The following KCNG3 variants were observed in gnomAD, a reference collection of about 807,000 sequenced individuals.
The protein encoded by KCNG3 is potassium voltage-gated channel modifier subfamily G member 3, also known as voltage-gated potassium channel regulatory subunit KCNG3.
KCNG3 carries 15 observed loss-of-function variants against 29.0 expected under a neutral mutation model. That is an observed-to-expected ratio of 0.52 (90% CI 0.35 to 0.80). KCNG3 has a LOEUF of 0.80. Ranked by LOEUF, KCNG3 falls within the 30% of genes least tolerant of loss-of-function variation. The pLI, the probability that KCNG3 is intolerant of heterozygous loss-of-function variation, is 0.01. For missense variants in KCNG3, 512 were observed against 605.7 expected (o/e 0.85, Z 1.62); for synonymous variants, 322 against 248.9 (o/e 1.29, Z -2.76).
At chr2:42,463,968 A>G in intron 1 of KCNG3, 1 of 328,078 alleles carries the variant, frequency 3.0e-6, no homozygotes, top group Non-Finnish European at 6.2e-6. Context: ...CAGATTTGCC[A>G]AGATCAGCGT....
chr2:42,392,342 C>T, the KCNG3 span, among the ~76,000 whole-genome samples: 4 of 152,050 alleles, frequency 2.6e-5, no homozygotes, highest in Admixed American at 1.3e-4. Flanking sequence ...TGTTGCACTA[C>T]TAGTTACAAC....
the KCNG3 span, among the ~76,000 whole-genome samples, chr2:42,436,395 CT>C: frequency 2.0e-5 from 3 of 152,172 alleles, no homozygotes; most frequent in African/African-American, 7.2e-5. Flanking sequence ...TATGTCTCAT[CT>C]TTTTTAAAAA....
chr2:42,476,964 T>C (rs959908677), intron 1 of KCNG3, among the ~76,000 whole-genome samples: 2 of 148,700 alleles, frequency 1.3e-5, no homozygotes, highest in Admixed American at 1.3e-4. Context: ...GACGGCGAGA[T>C]CACGAGGTCC....
chr2:42,389,798 G>T, the KCNG3 span, among the ~76,000 whole-genome samples: 22 of 152,142 alleles, frequency 1.4e-4, no homozygotes, highest in African/African-American at 5.3e-4. Context: ...TCCAGTCCAG[G>T]ACACCACACC....
downstream of KCNG3, among the ~76,000 whole-genome samples, chr2:42,440,917 T>C (rs1381013991): frequency 1.3e-5 from 2 of 150,566 alleles, no homozygotes; most frequent in African/African-American, 2.4e-5. Context: ...GATTAAAGAT[T>C]AGGAGATTAG....
chr2:42,488,018 T>C lies in KCNG3; in HGVS notation c.665+4819A>G, dbSNP rs577954508. Among the ~76,000 whole-genome samples, 10 of 152,312 alleles carry C rather than the reference T, an allele frequency of 6.6e-5. No homozygotes were observed. The South Asian group carries it at 1.7e-3, about 25-fold the overall frequency. On this transcript the variant is annotated intron_variant, in intron 1 of 1. Transcript: ENST00000306078. ...TGTATTTCTGGCTTTTGTAAATATA[T>C]ATAATGTACTTACAAATATATAAAA...
At chr2:42,436,341 C>A in the KCNG3 span, among the ~76,000 whole-genome samples, 4 of 152,180 alleles carry the variant, frequency 2.6e-5, no homozygotes, top group Non-Finnish European at 4.4e-5. Context: ...TTAAAAACCA[C>A]AGAACTGTAC....
the KCNG3 span, among the ~76,000 whole-genome samples, chr2:42,417,971 CAAAAAATAAAAAT>C: frequency 6.7e-5 from 10 of 149,474 alleles, no homozygotes; most frequent in African/African-American, 1.5e-4. Context: ...GACTCCATCT[CAAAAAATAAAAAT>C]AAAAAATAAA....
At chr2:42,394,624 A>C in the KCNG3 span, among the ~76,000 whole-genome samples, 2 of 152,352 alleles carry the variant, frequency 1.3e-5, no homozygotes, top group East Asian at 3.9e-4. Flanking sequence ...AGATAAATGC[A>C]TATCTGACTG....
chr2:42,478,243 G>C (rs1572861283), intron 1 of KCNG3, among the ~76,000 whole-genome samples: 1 of 151,964 alleles, frequency 6.6e-6, no homozygotes, highest in Non-Finnish European at 1.5e-5. Context: ...TATTAAACTA[G>C]AATTTTTTTT....
chr2:42,430,976 C>T, the KCNG3 span, among the ~76,000 whole-genome samples: 39 of 151,536 alleles, frequency 2.6e-4, no homozygotes, highest in Admixed American at 1.4e-3. Flanking sequence ...TGGGTGTACA[C>T]GCACCTGTAA....
the KCNG3 span, among the ~76,000 whole-genome samples, chr2:42,400,739 T>C: frequency 6.6e-6 from 1 of 151,980 alleles, no homozygotes; most frequent in African/African-American, 2.4e-5. Flanking sequence ...CCTGCCGGAG[T>C]TTTTATCCAG....
At position 42,466,732 on chromosome 2, in the gene KCNG3, C is replaced by G. The variant is rs532914827; in HGVS notation, c.666-22153G>C. On this transcript the variant is annotated intron_variant, in intron 1 of 1. Transcript: ENST00000306078. ...TGGTTTTTGCCATAGGAATTAGTGG[C>G]AAAAACTGCAAATACTCTTCCTTTT... Among the ~76,000 whole-genome samples the G allele has an allele frequency of 4.1e-5, 6 of 147,268 alleles. No homozygotes were observed. The East Asian group carries it at 7.9e-4, about 19-fold the overall frequency.
chr2:42,473,217 T>C (rs1420053312), intron 1 of KCNG3, among the ~76,000 whole-genome samples: 5 of 152,160 alleles, frequency 3.3e-5, no homozygotes, highest in African/African-American at 4.8e-5. Context: ...TTTTAATGTT[T>C]TATTTCTTTA....
At position 42,492,701 on chromosome 2, in the gene KCNG3, C is replaced by A. The variant is rs537797073; in HGVS notation, c.665+136G>T. The A allele has an allele frequency of 1.4e-4, 88 of 626,494 alleles. 1 individual carries two copies. In the Admixed American group the frequency reaches 6.7e-3, roughly 48 times the overall value. The allele number at this position is 626,494 out of a possible 1,614,324, so 38.8% of individuals were successfully genotyped here. A position where few individuals can be genotyped will look rare whatever the true frequency, so the allele number is the denominator to read the frequency against. On this transcript the variant is annotated intron_variant, in intron 1 of 1. Coordinates refer to ENST00000306078, the MANE Select transcript of KCNG3 (RefSeq NM_133329.6). ...GGGACCGACCGGTCCCGTAGTTGGC[C>A]GCGCCTGGGCCTCGCTGGGCGCGCA...
chr2:42,402,440 C>T, the KCNG3 span, among the ~76,000 whole-genome samples: 1 of 152,190 alleles, frequency 6.6e-6, no homozygotes, highest in East Asian at 1.9e-4. Flanking sequence ...AATCCCAGCA[C>T]TTTGGGAGGC....
At chr2:42,388,598 C>G in the KCNG3 span, 7 of 152,272 alleles carry the variant, frequency 4.6e-5, no homozygotes, top group African/African-American at 1.7e-4. Flanking sequence ...ATGGCTTTTC[C>G]TCGGTGTGTG....
the KCNG3 span, among the ~76,000 whole-genome samples, chr2:42,430,988 C>T: frequency 2.0e-5 from 3 of 151,480 alleles, no homozygotes; most frequent in African/African-American, 4.9e-5. Flanking sequence ...CACCTGTAAT[C>T]CTAACTGCTC....
downstream of KCNG3, among the ~76,000 whole-genome samples, chr2:42,440,143 T>A (rs1672441990): frequency 6.6e-6 from 1 of 152,126 alleles, no homozygotes; most frequent in South Asian, 2.1e-4. Flanking sequence ...ACAAAAGGCA[T>A]ACAATTGGGC....
Sources: allele counts gnomAD v4.1 joint callset (sites outside exome capture counted in the v4.1 genomes callset), GRCh38; gene constraint gnomAD v4.1.1; transcripts MANE v1.5; gene names NCBI Gene and HGNC (gene_info 2026-07-23, HGNC 2026-07-21).